LIPA: variants seen among roughly 807,000 people sequenced by gnomAD.
LIPA encodes lipase A, lysosomal acid type.
Under a neutral mutation model 40.6 loss-of-function variants are expected in LIPA, and 26 were observed. The observed-to-expected ratio is 0.64, with a 90% CI of 0.47 to 0.89. LIPA has a LOEUF of 0.89. Among genes scored for constraint, LIPA ranks in the 40% least tolerant of loss-of-function variants. The probability of loss-of-function intolerance (pLI) is 0.00; values close to 1 mark genes in which losing one functional copy is unlikely to be tolerated. For missense variants in LIPA, 455 were observed against 479.6 expected, an observed-to-expected ratio of 0.95 and a Z score of 0.48; for synonymous variants, 188 against 168.4, an observed-to-expected ratio of 1.12 and a Z score of -0.90.
chr10:89,355,646 G>A (rs970813544), intron 2 of LIPA, among the ~76,000 whole-genome samples: 6 of 152,170 alleles, frequency 3.9e-5, no homozygotes, highest in Non-Finnish European at 8.8e-5. Flanking sequence ...TGACATAGGA[G>A]GTCAGGACAA....
chr10:89,241,062 G>C (rs1308100443), intron 3 of LIPA, among the ~76,000 whole-genome samples: 1 of 152,124 alleles, frequency 6.6e-6, no homozygotes, highest in African/African-American at 2.4e-5. Context: ...ATGTAGCCAG[G>C]GGCCTGACCT....
At chr10:89,253,494 C>T (rs1449110288), upstream of LIPA, among the ~76,000 whole-genome samples, 7 of 152,194 alleles carry the variant, frequency 4.6e-5, no homozygotes, top group South Asian at 2.1e-4. Flanking sequence ...TATCTCCCAC[C>T]GGGTCCCTCC....
At chr10:89,239,920 G>C (rs1842945966) in intron 3 of LIPA, among the ~76,000 whole-genome samples, 1 of 152,152 alleles carries the variant, frequency 6.6e-6, no homozygotes, top group South Asian at 2.1e-4. Flanking sequence ...CAAATTGCCT[G>C]TCTTCCCTGC....
intron 2 of LIPA, among the ~76,000 whole-genome samples, chr10:89,381,023 A>C (rs1028006665): frequency 6.6e-6 from 1 of 152,220 alleles, no homozygotes; most frequent in African/African-American, 2.4e-5. Context: ...GCCAAAATCT[A>C]GTATACTTTT....
chr10:89,333,674 A>G (rs996357299), intron 1 of LIPA, among the ~76,000 whole-genome samples: 1 of 152,220 alleles, frequency 6.6e-6, no homozygotes. Flanking sequence ...CAAAAAAACA[A>G]AAATAAAATA....
At chr10:89,291,747 C>T (rs1377827809) in intron 1 of LIPA, among the ~76,000 whole-genome samples, 2 of 152,156 alleles carry the variant, frequency 1.3e-5, no homozygotes, top group Non-Finnish European at 2.9e-5. Flanking sequence ...AGGGCCAGAG[C>T]AGGATACTGT....
At chr10:89,293,791 G>T (rs556884593) in intron 1 of LIPA, 1 of 151,996 alleles carries the variant, frequency 6.6e-6, no homozygotes, top group Non-Finnish European at 1.5e-5. Context: ...ACCAGATTAG[G>T]GGCCCCACCC....
At chr10:89,414,655 G>A (rs750931218), upstream of LIPA, 59 of 813,868 alleles carry the variant, frequency 7.2e-5, no homozygotes, top group South Asian at 1.3e-4. Flanking sequence ...GACACGCCGC[G>A]CGGCCGAGTC....
chr10:89,279,415 G>T (rs1399511552), intron 1 of LIPA, among the ~76,000 whole-genome samples: 2 of 152,184 alleles, frequency 1.3e-5, no homozygotes, highest in East Asian at 3.9e-4. Context: ...AGGGTTGGAA[G>T]AGAGTTTTGG....
In LIPA at chr10:89,245,562, G is replaced by C. The variant is rs1469929947; in HGVS notation, c.229+114C>G. ...TGCCTTGCAAACCTCAACACAGTTA[G>C]TGCTTTCGTCTAAAAATAATCCCAT... On this transcript the variant is annotated intron_variant, in intron 3 of 9. Transcript: ENST00000336233. 9.2e-6 allele frequency: 7 copies of C among 759,206 alleles called. No homozygotes were observed. In the African/African-American group the frequency reaches 1.2e-4, roughly 13 times the overall value. The allele number at this position is 759,206 out of a possible 1,614,324, so 47.0% of individuals were successfully genotyped here.
chr10:89,406,377 A>G (rs1190873110), intron 2 of LIPA: 1 of 152,236 alleles, frequency 6.6e-6, no homozygotes, highest in African/African-American at 2.4e-5. Context: ...GGGGCCAAGT[A>G]AGGGAATAAA....
At chr10:89,278,296 G>GA (rs1246228697) in intron 1 of LIPA, 2 of 152,180 alleles carry the variant, frequency 1.3e-5, no homozygotes, top group Admixed American at 6.5e-5. Flanking sequence ...GGCTCCAAGA[G>GA]AAAAAATCCA....
chr10:89,271,450 T>C (rs1843265284), intron 1 of LIPA, among the ~76,000 whole-genome samples: 1 of 152,188 alleles, frequency 6.6e-6, no homozygotes, highest in African/African-American at 2.4e-5. Context: ...CTCCTTATGC[T>C]AATTAACCAG....
chr10:89,349,235 G>A (rs1254299694), intron 2 of LIPA, among the ~76,000 whole-genome samples: 1 of 152,202 alleles, frequency 6.6e-6, no homozygotes, highest in South Asian at 2.1e-4. Flanking sequence ...GACAGACTTC[G>A]TCACAGGCTG....
chr10:89,320,856 G>T (rs937032477), intron 1 of LIPA, among the ~76,000 whole-genome samples: 4 of 152,080 alleles, frequency 2.6e-5, no homozygotes, highest in African/African-American at 7.2e-5. Flanking sequence ...CATGGTACTG[G>T]TACCAAAACA....
chr10:89,328,087 A>G lies in LIPA; in HGVS notation c.-2+14524T>C, dbSNP rs777131118. Reference sequence around the variant, plus strand: ...CAGAGGGCAGTCATGAGGTCAGTGAAATAAGAATGCATAATCATGCTTGTT... The same window carrying G: ...CAGAGGGCAGTCATGAGGTCAGTGAGATAAGAATGCATAATCATGCTTGTT... On this transcript the variant is annotated intron_variant, in intron 1 of 5. Transcript: ENST00000282673. 2.5e-6 allele frequency: 4 copies of G among 1,613,752 alleles called. No homozygotes were observed. Among genetic ancestry groups the G allele is most frequent in the Admixed American group, 3.3e-5 (2 of 60,010 alleles).
Position 89,367,195 on chromosome 10 carries a change from G to T in LIPA, c.61+45596C>A, listed in dbSNP as rs1844062877. Among the ~76,000 whole-genome samples the T allele has an allele frequency of 3.3e-5, 5 of 151,528 alleles. No homozygotes were observed. In the South Asian group the frequency reaches 1.0e-3, roughly 32 times the overall value. On this transcript the variant is annotated intron_variant, in intron 2 of 8. Coordinates refer to the LIPA transcript ENST00000371837. ...TGTCGTGGGGTGGGGGGAGGGGCAG[G>T]GATAGCATTAGGAGATATACCTAAT...
At chr10:89,384,986 A>T (rs1844200040) in intron 2 of LIPA, 2 of 453,566 alleles carry the variant, frequency 4.4e-6, no homozygotes, top group African/African-American at 3.9e-5. Flanking sequence ...ATGGAATGGT[A>T]AAGCAATCTT....
At chr10:89,399,712 C>T (rs888527928) in intron 2 of LIPA, among the ~76,000 whole-genome samples, 1 of 152,120 alleles carries the variant, frequency 6.6e-6, no homozygotes, top group Non-Finnish European at 1.5e-5. Flanking sequence ...TCCCACCCAC[C>T]CCTGCCCAAA....
Sources: allele counts gnomAD v4.1 joint callset (sites outside exome capture counted in the v4.1 genomes callset), GRCh38; gene constraint gnomAD v4.1.1; transcripts MANE v1.5; gene names NCBI Gene and HGNC (gene_info 2026-07-23, HGNC 2026-07-21).